KCTD16: variants seen among roughly 807,000 people sequenced by gnomAD.
KCTD16 encodes the protein potassium channel tetramerization domain containing 16, also known as BTB/POZ domain-containing protein KCTD16.
Under a neutral mutation model 33.2 loss-of-function variants are expected in KCTD16, and 13 were observed. The observed-to-expected ratio is 0.39, with a 90% CI of 0.25 to 0.62. The LOEUF is 0.62. Among genes scored for constraint, KCTD16 ranks in the 20% least tolerant of loss-of-function variants. KCTD16 has a pLI of 0.50. For missense variants in KCTD16, 441 were observed against 525.1 expected, an observed-to-expected ratio of 0.84 and a Z score of 1.57; for synonymous variants, 197 against 195.3, an observed-to-expected ratio of 1.01 and a Z score of -0.07.
Position 144,485,265 on chromosome 5 carries a change from C to T in KCTD16, c.*11151C>T, listed in dbSNP as rs994842601. On this transcript the variant is annotated 3_prime_UTR_variant, in exon 4 of 4. Transcript: ENST00000512467. The stretch of plus-strand genomic sequence containing the variant: ...ATCATTGGTTCACTCAGAAGGCAAC[C>T]GCCTATAGATGGAACAGCCCTGAGC... 5.3e-5 allele frequency: 8 copies of T among 151,822 alleles called. No individual in the cohort carries two copies. Among genetic ancestry groups the T allele is most frequent in the South Asian group, 2.1e-4 (1 of 4,820 alleles). 9.4% of individuals were successfully genotyped at this position (151,822 alleles called of 1,614,324 possible).
intron 3 of KCTD16, among the ~76,000 whole-genome samples, chr5:144,385,751 T>C (rs1239220469): frequency 6.6e-6 from 1 of 152,236 alleles, no homozygotes; most frequent in African/African-American, 2.4e-5. Flanking sequence ...GTAGGGCTCA[T>C]GCTGCACAGA....
At chr5:144,353,937 C>A (rs1391819767) in intron 3 of KCTD16, among the ~76,000 whole-genome samples, 1 of 151,892 alleles carries the variant, frequency 6.6e-6, no homozygotes, top group Non-Finnish European at 1.5e-5. Flanking sequence ...TTCATTTGAA[C>A]TCACCCTCAA....
At chr5:144,311,264 T>C (rs9324957) in intron 3 of KCTD16, among the ~76,000 whole-genome samples, 50,679 of 151,994 alleles carry the variant, frequency 0.33, 9,112 homozygotes, top group African/African-American at 0.47. Flanking sequence ...GCACAAGTAC[T>C]GTAGAAATTA....
At chr5:144,463,029 T>C (rs1754236773) in intron 3 of KCTD16, among the ~76,000 whole-genome samples, 1 of 152,174 alleles carries the variant, frequency 6.6e-6, no homozygotes, top group Non-Finnish European at 1.5e-5. Context: ...AATGCACAAT[T>C]TATCCCCTCT....
intron 3 of KCTD16, among the ~76,000 whole-genome samples, chr5:144,259,261 A>G (rs1172302189): frequency 7.2e-6 from 1 of 138,498 alleles, no homozygotes. Flanking sequence ...CCATCTCAAA[A>G]AAAAAAAAAA....
intron 3 of KCTD16, among the ~76,000 whole-genome samples, chr5:144,260,800 A>G (rs1754987029): frequency 6.6e-6 from 1 of 152,094 alleles, no homozygotes; most frequent in African/African-American, 2.4e-5. Context: ...CAGTTTTAGC[A>G]ATTAATGTCT....
chr5:144,199,707 ATTTTTTTTTTTTTTTTT>A (rs574670606), intron 2 of KCTD16, among the ~76,000 whole-genome samples: 1 of 67,738 alleles, frequency 1.5e-5, no homozygotes, highest in Non-Finnish European at 2.8e-5. Flanking sequence ...GAACAGCTTC[ATTTTTTTTTTTTTTTTT>A]TTTTTTTTTT....
intron 3 of KCTD16, among the ~76,000 whole-genome samples, chr5:144,406,225 G>A (rs1297395121): frequency 6.6e-6 from 1 of 152,144 alleles, no homozygotes; most frequent in Non-Finnish European, 1.5e-5. Context: ...GTTTTAGTTT[G>A]GACAAAGGCT....
At chr5:144,446,542 C>G (rs1222593668) in intron 3 of KCTD16, among the ~76,000 whole-genome samples, 1 of 151,906 alleles carries the variant, frequency 6.6e-6, no homozygotes, top group Non-Finnish European at 1.5e-5. Flanking sequence ...CAACAAAAGC[C>G]AAAATTGACA....
intron 3 of KCTD16, among the ~76,000 whole-genome samples, chr5:144,404,004 T>TC (rs948047676): frequency 6.6e-6 from 1 of 151,990 alleles, no homozygotes; most frequent in East Asian, 1.9e-4. Flanking sequence ...GCCGTGCGCA[T>TC]CCCCCCAGGC....
chr5:144,267,013 T>G (rs1016309059), intron 3 of KCTD16, among the ~76,000 whole-genome samples: 21 of 152,202 alleles, frequency 1.4e-4, no homozygotes, highest in African/African-American at 5.1e-4. Context: ...TATATTTTTT[T>G]CCTTGACACA....
intron 3 of KCTD16, among the ~76,000 whole-genome samples, chr5:144,242,120 T>G (rs193216576): frequency 6.6e-6 from 1 of 152,242 alleles, no homozygotes; most frequent in East Asian, 1.9e-4. Context: ...AAGCTCTTTT[T>G]GCAATGTTTT....
chr5:144,367,666 GTTTTATT>G (rs1435052819), intron 3 of KCTD16, among the ~76,000 whole-genome samples: 1 of 151,104 alleles, frequency 6.6e-6, no homozygotes, highest in Admixed American at 6.6e-5. Context: ...CTCTAGAATT[GTTTTATT>G]TTTAATTCTT....
At chr5:144,343,126 T>G (rs1342572011) in intron 3 of KCTD16, among the ~76,000 whole-genome samples, 1 of 152,188 alleles carries the variant, frequency 6.6e-6, no homozygotes, top group African/African-American at 2.4e-5. Flanking sequence ...TCTTTTTCTA[T>G]TGATTGGAAT....
chr5:144,450,790 C>T (rs954548671), intron 3 of KCTD16, among the ~76,000 whole-genome samples: 2 of 151,876 alleles, frequency 1.3e-5, no homozygotes, highest in Admixed American at 6.6e-5. Context: ...TACTAGGTAT[C>T]GAGGGGAGGA....
At chr5:144,397,497 A>G (rs1395766640) in intron 3 of KCTD16, among the ~76,000 whole-genome samples, 1 of 152,194 alleles carries the variant, frequency 6.6e-6, no homozygotes, top group Non-Finnish European at 1.5e-5. Flanking sequence ...AGGAATTGCC[A>G]CACTGTCTTC....
At chr5:144,281,043 G>A (rs1356163609) in intron 3 of KCTD16, among the ~76,000 whole-genome samples, 2 of 148,650 alleles carry the variant, frequency 1.3e-5, no homozygotes, top group South Asian at 2.1e-4. Context: ...TTAGCCGGGC[G>A]TAGTGGTGGG....
chr5:144,274,068 G>A (rs981892187), intron 3 of KCTD16, among the ~76,000 whole-genome samples: 5 of 150,004 alleles, frequency 3.3e-5, no homozygotes, highest in African/African-American at 9.8e-5. Context: ...AATCCACTTG[G>A]GCATTTTAAG....
intron 3 of KCTD16, among the ~76,000 whole-genome samples, chr5:144,262,211 CTT>C: frequency 6.6e-6 from 1 of 152,076 alleles, no homozygotes; most frequent in Non-Finnish European, 1.5e-5. Context: ...ATACATCAGA[CTT>C]TTAAAGTACT....
Sources: allele counts gnomAD v4.1 joint callset (sites outside exome capture counted in the v4.1 genomes callset), GRCh38; gene constraint gnomAD v4.1.1; transcripts MANE v1.5; gene names NCBI Gene and HGNC (gene_info 2026-07-23, HGNC 2026-07-21).